The following ZNF804B variants were observed in gnomAD, a reference collection of about 807,000 sequenced individuals.
The protein encoded by ZNF804B is zinc finger 804B.
In ZNF804B, 80 loss-of-function variants were observed where a neutral mutation model predicts 101.4. The ratio of observed to expected loss-of-function variants is 0.79; its 90% CI spans 0.66 to 0.95. The LOEUF (loss-of-function observed/expected upper bound fraction) is 0.95. Among genes scored for constraint, ZNF804B ranks in the 40% least tolerant of loss-of-function variants. The pLI, the probability that ZNF804B is intolerant of heterozygous loss-of-function variation, is 0.00. For synonymous variants in ZNF804B, 622 were observed against 558.8 expected, an observed-to-expected ratio of 1.11 and a Z score of -1.59; for missense variants, 1,673 against 1,561.9, an observed-to-expected ratio of 1.07 and a Z score of -1.20.
intron 1 of ZNF804B, among the ~76,000 whole-genome samples, chr7:88,854,730 A>C: frequency 6.9e-6 from 1 of 145,328 alleles, no homozygotes; most frequent in Middle Eastern, 3.5e-3. Flanking sequence ...CATTAGGTAT[A>C]TCTCCTAATA....
intron 1 of ZNF804B, among the ~76,000 whole-genome samples, chr7:89,151,931 CT>C (rs753479513): frequency 2.6e-5 from 4 of 151,918 alleles, no homozygotes; most frequent in Non-Finnish European, 5.9e-5. Flanking sequence ...CTGTTTTAGT[CT>C]TGTATGGGTG....
At chr7:89,009,341 A>T (rs1440983492) in intron 1 of ZNF804B, among the ~76,000 whole-genome samples, 1 of 152,154 alleles carries the variant, frequency 6.6e-6, no homozygotes, top group East Asian at 1.9e-4. Context: ...TTATTGAATC[A>T]AATATATGTA....
intron 1 of ZNF804B, among the ~76,000 whole-genome samples, chr7:89,144,689 G>C (rs983679672): frequency 7.2e-5 from 11 of 151,968 alleles, no homozygotes; most frequent in African/African-American, 2.2e-4. Flanking sequence ...TAACATAATA[G>C]ATTTTAAATG....
intron 1 of ZNF804B, among the ~76,000 whole-genome samples, chr7:89,131,962 T>C (rs2116380668): frequency 6.6e-6 from 1 of 152,162 alleles, no homozygotes; most frequent in African/African-American, 2.4e-5. Flanking sequence ...CAAATGCAGA[T>C]AGCATATATA....
intron 1 of ZNF804B, among the ~76,000 whole-genome samples, chr7:89,046,176 T>A (rs927451115): frequency 6.6e-6 from 1 of 151,876 alleles, no homozygotes; most frequent in African/African-American, 2.4e-5. Context: ...GTGTTTTTTT[T>A]CCTCTTTTCA....
intron 1 of ZNF804B, among the ~76,000 whole-genome samples, chr7:88,852,553 T>G (rs1199058679): frequency 6.6e-6 from 1 of 152,044 alleles, no homozygotes; most frequent in Admixed American, 6.6e-5. Context: ...AAGGACCCAT[T>G]GGCTGACTCT....
intron 1 of ZNF804B, among the ~76,000 whole-genome samples, chr7:88,876,827 T>A (rs1280412682): frequency 6.6e-6 from 1 of 151,200 alleles, no homozygotes; most frequent in Admixed American, 6.6e-5. Flanking sequence ...TATAAGAGAA[T>A]ATAAATGACC....
intron 1 of ZNF804B, among the ~76,000 whole-genome samples, chr7:89,121,070 T>C (rs891639531): frequency 6.6e-6 from 1 of 152,058 alleles, no homozygotes; most frequent in African/African-American, 2.4e-5. Flanking sequence ...TCCAGAGAGG[T>C]TAACGAACTG....
chr7:88,993,996 TGTATTCACTTAATATTGTAA>T (rs1793884495), intron 1 of ZNF804B, among the ~76,000 whole-genome samples: 1 of 152,018 alleles, frequency 6.6e-6, no homozygotes, highest in African/African-American at 2.4e-5. Context: ...TATAGGCTGA[TGTATTCACTTAATATTGTAA>T]CAAGTATTTT....
intron 1 of ZNF804B, among the ~76,000 whole-genome samples, chr7:89,159,941 C>T (rs1451260764): frequency 6.6e-6 from 1 of 152,112 alleles, no homozygotes; most frequent in Non-Finnish European, 1.5e-5. Context: ...AAGAAGAGTC[C>T]ACTCACACTA....
intron 1 of ZNF804B, among the ~76,000 whole-genome samples, chr7:89,087,254 A>G (rs984743673): frequency 5.9e-5 from 9 of 151,888 alleles, no homozygotes; most frequent in African/African-American, 1.9e-4. Flanking sequence ...ATCATTTTCA[A>G]TTCTTGATTT....
At chr7:89,271,634 A>G (rs964004249) in intron 2 of ZNF804B, among the ~76,000 whole-genome samples, 2 of 152,158 alleles carry the variant, frequency 1.3e-5, no homozygotes, top group Admixed American at 6.6e-5. Context: ...GAATAGTTTC[A>G]GAAGGAATGG....
intron 1 of ZNF804B, among the ~76,000 whole-genome samples, chr7:89,200,485 A>C (rs1383668231): frequency 6.6e-6 from 1 of 152,022 alleles, no homozygotes; most frequent in Non-Finnish European, 1.5e-5. Context: ...CATGACGACA[A>C]ACTTCTTACC....
intron 1 of ZNF804B, among the ~76,000 whole-genome samples, chr7:89,095,785 G>T (rs898714605): frequency 1.3e-5 from 2 of 152,076 alleles, no homozygotes; most frequent in African/African-American, 4.8e-5. Flanking sequence ...TTTAAAAATA[G>T]ATACAAAAAT....
At chr7:88,780,297 C>A (rs921705113) in intron 1 of ZNF804B, among the ~76,000 whole-genome samples, 1 of 151,596 alleles carries the variant, frequency 6.6e-6, no homozygotes, top group East Asian at 1.9e-4. Context: ...TAGAGACATA[C>A]TCATATCTTC....
At chr7:89,048,865 T>C (rs1193980515) in intron 1 of ZNF804B, among the ~76,000 whole-genome samples, 6 of 151,882 alleles carry the variant, frequency 4.0e-5, no homozygotes, top group Non-Finnish European at 8.8e-5. Context: ...AGGTCAAGTT[T>C]AAGGTAGAAA....
rs149644304 is a variant in ZNF804B, at chr7:88,898,374, C to T, written c.108+138290C>T. Reference sequence around the variant, plus strand: ...GTGCTGGGATTACAGGCGTGAGCCACAGCGCCCGGCCAGTTCTCCATTCTT... The same window carrying T: ...GTGCTGGGATTACAGGCGTGAGCCATAGCGCCCGGCCAGTTCTCCATTCTT... On this transcript the variant is annotated intron_variant, in intron 1 of 3. Coordinates refer to ENST00000333190, the MANE Select transcript of ZNF804B (RefSeq NM_181646.5). Among the ~76,000 whole-genome samples the T allele has an allele frequency of 2.8e-3, 423 of 152,202 alleles. 5 individuals carry two copies. Among genetic ancestry groups the T allele is most frequent in the African/African-American group, 9.9e-3 (413 of 41,508 alleles).
intron 1 of ZNF804B, among the ~76,000 whole-genome samples, chr7:88,965,240 T>A (rs1423248012): frequency 6.6e-6 from 1 of 151,452 alleles, no homozygotes; most frequent in Non-Finnish European, 1.5e-5. Context: ...TCCTGCATTA[T>A]AATGGAGTGA....
Position 89,333,739 on chromosome 7 carries a change from A to G in ZNF804B, c.757A>G (p.Ile253Val), listed in dbSNP as rs1192860384. 6.2e-7 allele frequency: 1 copy of G among 1,613,592 alleles called. No homozygotes were observed. The highest frequency in any genetic ancestry group is 8.5e-7 in the Non-Finnish European group (1 of 1,179,766). Residue 253 changes from isoleucine to valine, a missense_variant, in exon 4 of 4, where the codon ATT becomes GTT. Physicochemically the swap from Ile to Val is conservative, Grantham distance 29. Transcript: ENST00000333190. ...EETHDCNKSP[I>V]YKTKQTADKC... ...AACCCATGATTGTAACAAGTCACCC[A>G]TTTATAAAACAAAACAAACTGCAGA... is the stretch of plus-strand genomic sequence containing the variant.
Sources: gnomAD v4.1 joint callset for allele counts (sites outside exome capture counted in the v4.1 genomes callset) on GRCh38, gnomAD v4.1.1 for gene constraint, MANE v1.5 for transcripts, NCBI Gene and HGNC (gene_info 2026-07-23, HGNC 2026-07-21) for gene names.